ATP8B4: variants seen among roughly 807,000 people sequenced by gnomAD.
ATP8B4 encodes probable phospholipid-transporting ATPase IM.
A neutral mutation model predicts 145.6 loss-of-function variants in ATP8B4; 133 were observed. That is an observed-to-expected ratio of 0.91 (90% CI 0.79 to 1.05). The LOEUF is 1.05. Among genes scored for constraint, ATP8B4 ranks in the 50% least tolerant of loss-of-function variants. ATP8B4 has a pLI of 0.00. For synonymous variants in ATP8B4, 507 were observed against 492.9 expected, an observed-to-expected ratio of 1.03 and a Z score of -0.38; for missense variants, 1,458 against 1,425.2, an observed-to-expected ratio of 1.02 and a Z score of -0.37.
At chr15:50,128,490 G>T (rs895696578) in intron 1 of ATP8B4, among the ~76,000 whole-genome samples, 2 of 152,216 alleles carry the variant, frequency 1.3e-5, no homozygotes, top group Non-Finnish European at 2.9e-5. Context: ...ATCTGCTTGT[G>T]CAAAGAGAAT....
At chr15:49,938,443 G>T (rs1333677478) in intron 14 of ATP8B4, among the ~76,000 whole-genome samples, 1 of 152,062 alleles carries the variant, frequency 6.6e-6, no homozygotes, top group African/African-American at 2.4e-5. Context: ...AAACAGAAAA[G>T]ACCAAGGATC....
rs566468618 is a variant in ATP8B4 at position 49,860,401 on chromosome 15, G to A, written c.3372C>T (p.Ser1124=). 51 of 1,614,072 alleles carry A rather than the reference G, an allele frequency of 3.2e-5. No homozygotes were observed. In the African/African-American group the frequency reaches 6.3e-4, roughly 20 times the overall value. ...SSRRPRTRRS[S]SRRSGYAFAH... The stretch of plus-strand genomic sequence containing the variant: ...CAAAAGCATATCCAGACCTTCTTGA[G>A]CTTGACCTGCGGGTCCGAGGCCTTC... Residue 1124 remains serine, a synonymous_variant, in exon 28 of 28, where the codon AGC becomes AGT. Transcript: ENST00000284509.
intron 7 of ATP8B4, among the ~76,000 whole-genome samples, chr15:50,006,835 T>A (rs1346523151): frequency 1.3e-5 from 2 of 152,158 alleles, no homozygotes; most frequent in Admixed American, 1.3e-4. Flanking sequence ...CTAAGAAAAG[T>A]GAAACAACAC....
intron 2 of ATP8B4, among the ~76,000 whole-genome samples, chr15:50,086,941 A>G (rs2055177265): frequency 1.0e-5 from 1 of 97,914 alleles, no homozygotes. Context: ...ATAGAGATCT[A>G]TATTTATTAT....
At position 49,920,894 on chromosome 15, in the gene ATP8B4, G is replaced by A. The variant is rs997688049; in HGVS notation, c.1759-484C>T. Among the ~76,000 whole-genome samples, 7 of 152,232 alleles carry A rather than the reference G, an allele frequency of 4.6e-5. No homozygotes were observed. In the South Asian group the frequency reaches 1.5e-3, roughly 32 times the overall value. ...AGGCTCTCCCCAGGAACCACAACAT[G>A]ACATCACACCCAAGTCTTGTCACAT... is the stretch of plus-strand genomic sequence containing the variant. On this transcript the variant is annotated intron_variant, in intron 17 of 27. Coordinates refer to ENST00000284509, the MANE Select transcript of ATP8B4 (RefSeq NM_024837.4).
chr15:50,154,767 C>T (rs1255881317), intron 1 of ATP8B4, among the ~76,000 whole-genome samples: 1 of 152,074 alleles, frequency 6.6e-6, no homozygotes, highest in Non-Finnish European at 1.5e-5. Context: ...CTCCACCTCC[C>T]ATGTTCAAGC....
intron 3 of ATP8B4, among the ~76,000 whole-genome samples, chr15:50,054,658 C>A (rs565152347): frequency 1.3e-5 from 2 of 151,866 alleles, no homozygotes; most frequent in East Asian, 3.9e-4. Flanking sequence ...GTGGCAGGTG[C>A]CTGTAGTCCC....
rs113507900 is a variant in ATP8B4, at chr15:49,897,345, C to A, written c.2644G>T (p.Ala882Ser). The change falls in exon 23 of 28, where the codon GCA becomes TCA. Residue 882 changes from alanine (A) to serine (S), a missense_variant. Coordinates refer to ENST00000284509, the MANE Select transcript of ATP8B4 (RefSeq NM_024837.4). ...FLCYFFYKNFAFTLVHFWFGF... is the reference protein window; with the variant it reads ...FLCYFFYKNFSFTLVHFWFGF... ...AACCAGAAATGCACAAGTGTAAATG[C>A]AAAATTCTTATAGAAGAAATAGCAT... 8.4e-5 allele frequency: 135 copies of A among 1,613,550 alleles called. 1 individual carries two copies. The Middle Eastern group carries it at 1.7e-3, about 20-fold the overall frequency.
At chr15:50,160,516 G>A (rs1465724452) in intron 1 of ATP8B4, among the ~76,000 whole-genome samples, 2 of 149,948 alleles carry the variant, frequency 1.3e-5, no homozygotes, top group Non-Finnish European at 3.0e-5. Context: ...TGTAGATACT[G>A]CTATAAACTT....
intron 8 of ATP8B4, 63 bp from the exon 9 acceptor site, chr15:49,996,822 G>T (rs781220685): frequency 5.0e-5 from 67 of 1,330,656 alleles, no homozygotes; most frequent in Non-Finnish European, 6.9e-5. Context: ...TCCTACCAAA[G>T]CAATCAGGTG....
intron 1 of ATP8B4, among the ~76,000 whole-genome samples, chr15:50,173,076 G>A (rs1183920964): frequency 6.9e-6 from 1 of 145,236 alleles, no homozygotes; most frequent in East Asian, 2.1e-4. Flanking sequence ...TCCGGGAGGT[G>A]GGGGGCAGCC....
At chr15:50,029,255 A>AAAAAAAAAAAAAAAAAC (rs776952913) in intron 6 of ATP8B4, among the ~76,000 whole-genome samples, 5 of 141,156 alleles carry the variant, frequency 3.5e-5, no homozygotes, top group Admixed American at 7.1e-5. Context: ...AAAAAAAAAA[A>AAAAAAAAAAAAAAAAAC]AACAGAAAAA....
chr15:50,040,413 C>G (rs373488640), intron 5 of ATP8B4, among the ~76,000 whole-genome samples: 2 of 152,144 alleles, frequency 1.3e-5, no homozygotes, highest in African/African-American at 4.8e-5. Flanking sequence ...TTGCCCACAC[C>G]CTTTGTGAAT....
At chr15:50,017,071 C>T (rs1451649553) in intron 6 of ATP8B4, among the ~76,000 whole-genome samples, 1 of 152,176 alleles carries the variant, frequency 6.6e-6, no homozygotes, top group Non-Finnish European at 1.5e-5. Flanking sequence ...ACCTTTCTAT[C>T]ATTTCAATTT....
chr15:50,018,488 T>C (rs16963240), intron 6 of ATP8B4, among the ~76,000 whole-genome samples: 9,576 of 152,228 alleles, frequency 0.063, 337 homozygotes, highest in Non-Finnish European at 0.082. Flanking sequence ...GTCTGGCTCT[T>C]AAATAACCAC....
intron 16 of ATP8B4, among the ~76,000 whole-genome samples, chr15:49,929,287 C>A (rs1220915800): frequency 6.6e-6 from 1 of 152,126 alleles, no homozygotes; most frequent in African/African-American, 2.4e-5. Flanking sequence ...AAAATCTTTG[C>A]ATTTAGTCTC....
At chr15:49,876,201 T>C in intron 25 of ATP8B4, 77 bp downstream of exon 25, 1 of 1,531,150 alleles carries the variant, frequency 6.5e-7, no homozygotes. Flanking sequence ...CCCCAACAAG[T>C]AGACAAAATC....
At chr15:50,114,104 T>TTTC (rs1491129489) in intron 1 of ATP8B4, among the ~76,000 whole-genome samples, 1,186 of 29,822 alleles carry the variant, frequency 0.04, 4 homozygotes, top group African/African-American at 0.15. Flanking sequence ...TCCTAGTTTC[T>TTTC]TTTTTTTTTT....
intron 1 of ATP8B4, among the ~76,000 whole-genome samples, chr15:50,137,795 G>A (rs1477030913): frequency 2.0e-5 from 3 of 152,140 alleles, no homozygotes; most frequent in South Asian, 4.1e-4. Flanking sequence ...TTGAAGATGA[G>A]CTGATCATCA....
Sources: allele counts gnomAD v4.1 joint callset (sites outside exome capture counted in the v4.1 genomes callset), GRCh38; gene constraint gnomAD v4.1.1; transcripts MANE v1.5; gene names NCBI Gene and HGNC (gene_info 2026-07-23, HGNC 2026-07-21).